AAK1: variants seen among roughly 807,000 people sequenced by gnomAD.
AAK1 encodes AP2-associated protein kinase 1.
A neutral mutation model predicts 116.0 loss-of-function variants in AAK1; 37 were observed. The ratio of observed to expected loss-of-function variants is 0.32; its 90% CI spans 0.25 to 0.42. The LOEUF (loss-of-function observed/expected upper bound fraction) is 0.42, where lower values mean the gene tolerates loss of function less well. Among genes scored for constraint, AAK1 ranks in the 10% least tolerant of loss-of-function variants. AAK1 has a pLI of 1.00. For synonymous variants in AAK1, 458 were observed against 439.9 expected, an observed-to-expected ratio of 1.04 and a Z score of -0.51; for missense variants, 919 against 1,170.6, an observed-to-expected ratio of 0.79 and a Z score of 3.14.
rs546759712 is a variant in AAK1 at position 69,622,321 on chromosome 2, C to T, written c.163+20557G>A. 3.9e-5 allele frequency among the ~76,000 whole-genome samples: 6 copies of T among 152,304 alleles called. No homozygotes were observed. In the South Asian group the frequency reaches 1.2e-3, roughly 32 times the overall value. On this transcript the variant is annotated intron_variant, in intron 2 of 21. Transcript: ENST00000409085. The stretch of plus-strand genomic sequence containing the variant: ...CCATGCCTGAGCCTTCCCCCCTCCC[C>T]CGCCCGGCGGTGGGCTCCTGCGCAG...
chr2:69,626,432 G>A (rs1034486451), intron 2 of AAK1, among the ~76,000 whole-genome samples: 3 of 151,308 alleles, frequency 2.0e-5, no homozygotes, highest in African/African-American at 4.9e-5. Context: ...TTATCTTGAC[G>A]TCTGTAATGA....
chr2:69,599,182 G>C (rs1001082872), intron 2 of AAK1, among the ~76,000 whole-genome samples: 9 of 152,104 alleles, frequency 5.9e-5, no homozygotes, highest in Non-Finnish European at 1.0e-4. Context: ...AGAAGTGGTG[G>C]TTTTTGCTAC....
intron 2 of AAK1, among the ~76,000 whole-genome samples, chr2:69,621,159 A>G (rs1316244828): frequency 1.3e-5 from 2 of 152,188 alleles, no homozygotes; most frequent in African/African-American, 2.4e-5. Flanking sequence ...TCTGAATTCA[A>G]GTATATAGTA....
chr2:69,603,101 G>T (rs1673650690), intron 2 of AAK1, among the ~76,000 whole-genome samples: 1 of 152,144 alleles, frequency 6.6e-6, no homozygotes, highest in African/African-American at 2.4e-5. Flanking sequence ...ATCAGTTATG[G>T]AAGTCAAAAA....
intron 2 of AAK1, among the ~76,000 whole-genome samples, chr2:69,625,634 T>G (rs1386149554): frequency 6.6e-6 from 1 of 152,180 alleles, no homozygotes; most frequent in Non-Finnish European, 1.5e-5. Flanking sequence ...AGGAGTACTT[T>G]CCACTTATGT....
intron 2 of AAK1, among the ~76,000 whole-genome samples, chr2:69,603,700 G>A (rs940413157): frequency 6.6e-6 from 1 of 152,126 alleles, no homozygotes; most frequent in African/African-American, 2.4e-5. Context: ...TTTAAAAGAT[G>A]GGGAAATTAG....
chr2:69,625,379 C>T (rs1674848535), intron 2 of AAK1, among the ~76,000 whole-genome samples: 1 of 152,344 alleles, frequency 6.6e-6, no homozygotes, highest in East Asian at 1.9e-4. Flanking sequence ...AATCCAGGGC[C>T]ATTTCATTGA....
chr2:69,527,951 G>T (rs988000547), intron 8 of AAK1, among the ~76,000 whole-genome samples: 1 of 152,096 alleles, frequency 6.6e-6, no homozygotes, highest in East Asian at 1.9e-4. Context: ...AAACAACAAC[G>T]CAAGGCAGCT....
chr2:69,566,939 G>C (rs1671894972), intron 2 of AAK1, among the ~76,000 whole-genome samples: 2 of 152,152 alleles, frequency 1.3e-5, no homozygotes, highest in Admixed American at 1.3e-4. Flanking sequence ...CAAATGTAGA[G>C]AGATATGCTG....
At position 69,474,012 on chromosome 2, in the gene AAK1, C is replaced by G; in HGVS notation, c.*1857G>C. 1 of 985,780 alleles carries G rather than the reference C, an allele frequency of 1.0e-6. No individual in the cohort carries two copies. Among genetic ancestry groups the G allele is most frequent in the South Asian group, 4.7e-5 (1 of 21,286 alleles). 61.1% of individuals were successfully genotyped at this position (985,780 alleles called of 1,614,324 possible). On this transcript the variant is annotated 3_prime_UTR_variant, in exon 22 of 22. Transcript: ENST00000409085. ...AAATGGTCTGTTATTCAACTAGAGG[C>G]CTTTACCTAGCTCATCTTGTTTCAG...
At chr2:69,569,935 GTTGTACAAGTCTTT>G (rs1459069543) in intron 2 of AAK1, among the ~76,000 whole-genome samples, 2 of 152,120 alleles carry the variant, frequency 1.3e-5, no homozygotes, top group Non-Finnish European at 2.9e-5. Flanking sequence ...TAAGAGCACT[GTTGTACAAGTCTTT>G]TTGTGCCATA....
chr2:69,469,061 A>T lies in AAK1; in HGVS notation c.*6808T>A. ...AAAACAAGGACAAGAGCTATTTCCT[A>T]TCTTTCTTTCAGCATCAACAGGCTT... On this transcript the variant is annotated 3_prime_UTR_variant, in exon 22 of 22. Transcript: ENST00000409085. 1.0e-6 allele frequency: 1 copy of T among 985,478 alleles called. No individual in the cohort carries two copies. The highest frequency in any genetic ancestry group is 1.2e-6 in the Non-Finnish European group (1 of 829,944). 61.0% of individuals were successfully genotyped at this position (985,478 alleles called of 1,614,324 possible).
At chr2:69,505,120 T>G (rs754216367) in intron 16 of AAK1, among the ~76,000 whole-genome samples, 1 of 115,444 alleles carries the variant, frequency 8.7e-6, no homozygotes. Context: ...CGTGCGTGCG[T>G]GTGCGCACAC....
chr2:69,640,708 G>C (rs952771525), intron 2 of AAK1, among the ~76,000 whole-genome samples: 4 of 152,150 alleles, frequency 2.6e-5, no homozygotes, highest in African/African-American at 9.7e-5. Flanking sequence ...AGGGCGCATA[G>C]CCAGACCCAG....
At chr2:69,606,407 T>C (rs575907984) in intron 2 of AAK1, among the ~76,000 whole-genome samples, 4 of 152,320 alleles carry the variant, frequency 2.6e-5, no homozygotes, top group East Asian at 3.9e-4. Context: ...GTGCTGGAGA[T>C]ACAAAGATAA....
rs531780125 is a variant in AAK1 at position 69,469,345 on chromosome 2, T to C, written c.*6524A>G. 7.1e-6 allele frequency: 7 copies of C among 985,424 alleles called. No homozygotes were observed. The highest frequency in any genetic ancestry group is 6.1e-5 in the Admixed American group (1 of 16,292). 61.0% of individuals were successfully genotyped at this position (985,424 alleles called of 1,614,324 possible). A position where few individuals can be genotyped will look rare whatever the true frequency, so the allele number is the denominator to read the frequency against. ...TCGAGAGAAGGATAAATTCCAAATA[T>C]ACTAGAAACAGAAGGTAACCATTAA... On this transcript the variant is annotated 3_prime_UTR_variant, in exon 22 of 22. Coordinates refer to ENST00000409085, the MANE Select transcript of AAK1 (RefSeq NM_014911.5).
chr2:69,594,829 C>T, intron 2 of AAK1: 2 of 1,539,696 alleles, frequency 1.3e-6, no homozygotes, highest in South Asian at 2.2e-5. Context: ...TCTCTTAGAC[C>T]TGCAGTTGGG....
At chr2:69,530,288 C>G in intron 7 of AAK1, 148 bp from the exon 8 acceptor site, 1 of 802,882 alleles carries the variant, frequency 1.2e-6, no homozygotes, top group Non-Finnish European at 1.9e-6. Flanking sequence ...TTTTAGAACC[C>G]AACACCACTG....
In AAK1 at chr2:69,475,358, G is replaced by C. The variant is rs924018226; in HGVS notation, c.*511C>G. Reference sequence around the variant, plus strand: ...TCTTAAACCACACACCCATCTCCAGGCTACTGCCTAGAGTTAAGACCAACT... The same window carrying C: ...TCTTAAACCACACACCCATCTCCAGCCTACTGCCTAGAGTTAAGACCAACT... On this transcript the variant is annotated 3_prime_UTR_variant, in exon 22 of 22. Coordinates refer to ENST00000409085, the MANE Select transcript of AAK1 (RefSeq NM_014911.5). The C allele has an allele frequency of 8.1e-6, 8 of 986,876 alleles. No individual in the cohort carries two copies. The African/African-American group carries it at 1.2e-4, about 15-fold the overall frequency. The allele number at this position is 986,876 out of a possible 1,614,324, so 61.1% of individuals were successfully genotyped here. A position where few individuals can be genotyped will look rare whatever the true frequency, so the allele number is the denominator to read the frequency against.
Sources: allele counts gnomAD v4.1 joint callset (sites outside exome capture counted in the v4.1 genomes callset), GRCh38; gene constraint gnomAD v4.1.1; transcripts MANE v1.5; gene names NCBI Gene and HGNC (gene_info 2026-07-23, HGNC 2026-07-21).